Variants in FRMD3 observed in about 807,000 individuals in gnomAD.
FRMD3 encodes FERM domain containing 3.
In FRMD3, 33 loss-of-function variants were observed where a neutral mutation model predicts 70.2. That is an observed-to-expected ratio of 0.47 (90% CI 0.36 to 0.63). FRMD3 has a LOEUF of 0.63. Ranked by LOEUF, FRMD3 falls within the 20% of genes least tolerant of loss-of-function variation. The pLI, the probability that FRMD3 is intolerant of heterozygous loss-of-function variation, is 0.00. For missense variants in FRMD3, 632 were observed against 711.4 expected, an observed-to-expected ratio of 0.89 and a Z score of 1.27; for synonymous variants, 279 against 255.9, an observed-to-expected ratio of 1.09 and a Z score of -0.86.
intron 3 of FRMD3, among the ~76,000 whole-genome samples, chr9:83,351,329 C>T (rs1004420649): frequency 6.6e-6 from 1 of 150,846 alleles, no homozygotes; most frequent in Non-Finnish European, 1.5e-5. Flanking sequence ...ATCATACACA[C>T]ACACACACAC....
the FRMD3 span, among the ~76,000 whole-genome samples, chr9:83,567,300 C>T: frequency 6.6e-6 from 1 of 152,186 alleles, no homozygotes; most frequent in South Asian, 2.1e-4. Context: ...GCACCAAGTC[C>T]CTAGGCTGGG....
At chr9:83,352,055 A>G (rs946116496) in intron 3 of FRMD3, among the ~76,000 whole-genome samples, 1 of 152,238 alleles carries the variant, frequency 6.6e-6, no homozygotes, top group Non-Finnish European at 1.5e-5. Context: ...TAGTAACTAC[A>G]GAATAGTTCA....
Position 83,343,197 on chromosome 9 carries a change from A to G in FRMD3, c.465T>C (p.Ile155=). Residue 155 remains isoleucine, a synonymous_variant, in exon 5 of 14, where the codon ATT becomes ATC. Coordinates refer to ENST00000304195, the MANE Select transcript of FRMD3 (RefSeq NM_174938.6). ...FSDAAYLGAC[I]VQAELGDYDP... is the part of the protein sequence containing the mutation. Reference sequence around the variant, plus strand: ...AGCTGTGGCCAGACTTACCTTGAACAATACAGGCACCCAGGTAGGCAGCAT... The same window carrying G: ...AGCTGTGGCCAGACTTACCTTGAACGATACAGGCACCCAGGTAGGCAGCAT... 1 of 1,612,374 alleles carries G rather than the reference A, an allele frequency of 6.2e-7. No individual in the cohort carries two copies. The highest frequency in any genetic ancestry group is 8.5e-7 in the Non-Finnish European group (1 of 1,178,478).
chr9:83,478,287 T>C (rs1280344517), intron 1 of FRMD3, among the ~76,000 whole-genome samples: 2 of 152,202 alleles, frequency 1.3e-5, no homozygotes, highest in Non-Finnish European at 2.9e-5. Context: ...TCCTATGGGC[T>C]TCAGGGGTTT....
chr9:83,552,953 T>A, the FRMD3 span, among the ~76,000 whole-genome samples: 1 of 152,028 alleles, frequency 6.6e-6, no homozygotes, highest in Non-Finnish European at 1.5e-5. Flanking sequence ...GTCACTCTAG[T>A]TTTTAAGAGA....
rs1834556825 is a variant in FRMD3, at chr9:83,294,005, A to C, written c.1071-3278T>G. 2.0e-5 allele frequency among the ~76,000 whole-genome samples: 3 copies of C among 152,336 alleles called. No homozygotes were observed. The South Asian group carries it at 6.2e-4, about 32-fold the overall frequency. ...GAAAGAGTCAGCAACATTAAAAAAC[A>C]ACAGGCCAAGTCTCCCACCTTTCGC... On this transcript the variant is annotated intron_variant, in intron 12 of 13. Coordinates refer to ENST00000304195, the MANE Select transcript of FRMD3 (RefSeq NM_174938.6).
chr9:83,331,215 C>T (rs977746885), intron 6 of FRMD3, among the ~76,000 whole-genome samples: 3 of 152,122 alleles, frequency 2.0e-5, no homozygotes, highest in African/African-American at 7.2e-5. Flanking sequence ...TGTCTTTCAG[C>T]AGGTAAATGG....
At chr9:83,382,888 C>A (rs1298064015) in intron 2 of FRMD3, among the ~76,000 whole-genome samples, 1 of 152,124 alleles carries the variant, frequency 6.6e-6, no homozygotes, top group South Asian at 2.1e-4. Flanking sequence ...GTCATCTATA[C>A]ACTAAACATC....
At position 83,537,082 on chromosome 9, in the gene FRMD3, G is replaced by C. The variant is rs1000732971; in HGVS notation, c.147+1003C>G. On this transcript the variant is annotated intron_variant, in intron 1 of 13. Coordinates refer to ENST00000304195, the MANE Select transcript of FRMD3 (RefSeq NM_174938.6). This position sits in a 1 kb window ranked among gnomAD's most constrained non-coding sequence, Gnocchi z 4.1. ...CCCTGACACAACCTTTCCTGATTGT[G>C]TGCGCACCGAGTGGGGCATCTTTGG... Among the ~76,000 whole-genome samples the C allele has an allele frequency of 1.3e-5, 2 of 152,064 alleles. No homozygotes were observed. The highest frequency in any genetic ancestry group is 4.8e-5 in the African/African-American group (2 of 41,390).
chr9:83,544,984 T>C, the FRMD3 span, among the ~76,000 whole-genome samples: 1 of 152,186 alleles, frequency 6.6e-6, no homozygotes, highest in Non-Finnish European at 1.5e-5. Context: ...GAGTGTGTTA[T>C]GATAACCTCA....
intron 3 of FRMD3, among the ~76,000 whole-genome samples, chr9:83,371,741 G>A (rs1413393748): frequency 6.6e-6 from 1 of 152,140 alleles, no homozygotes; most frequent in African/African-American, 2.4e-5. Flanking sequence ...CACACCCACT[G>A]CTGCACTTGT....
At chr9:83,385,589 T>G (rs1253174361) in intron 2 of FRMD3, among the ~76,000 whole-genome samples, 1 of 152,206 alleles carries the variant, frequency 6.6e-6, no homozygotes, top group Non-Finnish European at 1.5e-5. Flanking sequence ...TGGTTTACTG[T>G]AAATCGAGTT....
chr9:83,510,743 T>C (rs1829320757), intron 1 of FRMD3, among the ~76,000 whole-genome samples: 1 of 152,184 alleles, frequency 6.6e-6, no homozygotes, highest in Non-Finnish European at 1.5e-5. Flanking sequence ...AATCCTATGC[T>C]AAATGGAAGA....
chr9:83,540,973 TAA>T (rs1224864417), upstream of FRMD3, among the ~76,000 whole-genome samples: 15 of 152,166 alleles, frequency 9.9e-5, no homozygotes, highest in Admixed American at 9.8e-4. Context: ...AATAGGACTA[TAA>T]AAGAAAACTT....
chr9:83,478,350 C>T (rs7026481), intron 1 of FRMD3, among the ~76,000 whole-genome samples: 65,496 of 151,966 alleles, frequency 0.43, 14,260 homozygotes, highest in Middle Eastern at 0.46. Context: ...TATGCATACT[C>T]TTCTATCCAG....
At chr9:83,441,101 C>T (rs536496334) in intron 1 of FRMD3, among the ~76,000 whole-genome samples, 1 of 152,232 alleles carries the variant, frequency 6.6e-6, no homozygotes, top group African/African-American at 2.4e-5. Flanking sequence ...CAGAAGAATG[C>T]CCCAACAGAC....
rs191299757 is a variant in FRMD3 at position 83,537,927 on chromosome 9, C to A, written c.147+158G>T. On this transcript the variant is annotated intron_variant, in intron 1 of 13. Transcript: ENST00000304195. The surrounding 1 kb of genome is among the most constrained non-coding windows in gnomAD (Gnocchi z 4.1). ...CATGCCCCTCCATGCCAGGATAAGG[C>A]CCCCCACCCTCAGAGGCCTGAGGAA... 6.2e-3 allele frequency among the ~76,000 whole-genome samples: 937 copies of A among 152,144 alleles called. 12 individuals carry two copies. The highest frequency in any genetic ancestry group is 6.9e-3 in the Non-Finnish European group (470 of 67,958).
At chr9:83,289,576 C>T (rs561511962) in intron 13 of FRMD3, among the ~76,000 whole-genome samples, 125 of 152,270 alleles carry the variant, frequency 8.2e-4, no homozygotes, top group Admixed American at 1.1e-3. Context: ...AAGCCATATC[C>T]TTATTATAGA....
In FRMD3 at chr9:83,362,186, TC is replaced by T. The variant is rs1353322991; in HGVS notation, c.295+10726del. On this transcript the variant is annotated intron_variant, in intron 3 of 13. Transcript: ENST00000304195. ...ATCGATGCTGTTGGTTCTCTCTCTC[TC>T]TCTCTCTCTCTCTCTCTCTCTCAAT... Among the ~76,000 whole-genome samples the T allele has an allele frequency of 3.2e-4, 47 of 149,204 alleles. No homozygotes were observed. The East Asian group carries it at 4.3e-3, about 14-fold the overall frequency.
Sources: gnomAD v4.1 joint callset for allele counts (sites outside exome capture counted in the v4.1 genomes callset) on GRCh38, gnomAD v4.1.1 for gene constraint, Gnocchi (gnomAD v3.1) non-coding constraint, MANE v1.5 for transcripts, NCBI Gene and HGNC (gene_info 2026-07-23, HGNC 2026-07-21) for gene names.